Variants in LHFPL3 observed in about 807,000 individuals in gnomAD.
LHFPL3 encodes the protein LHFPL tetraspan subfamily member 3 protein.
In LHFPL3, 5 loss-of-function variants were observed where a neutral mutation model predicts 19.3. The observed-to-expected ratio is 0.26, with a 90% CI of 0.14 to 0.54. LHFPL3 has a LOEUF of 0.54. Ranked by LOEUF, LHFPL3 falls within the 20% of genes least tolerant of loss-of-function variation. The pLI, the probability that LHFPL3 is intolerant of heterozygous loss-of-function variation, is 0.94. For missense variants in LHFPL3, 249 were observed against 307.4 expected (o/e 0.81, Z 1.42); for synonymous variants, 133 against 126.2 (o/e 1.05, Z -0.36).
chr7:104,445,484 A>G (rs1229439787), intron 1 of LHFPL3, among the ~76,000 whole-genome samples: 1 of 152,220 alleles, frequency 6.6e-6, no homozygotes, highest in East Asian at 1.9e-4. Flanking sequence ...CAATCCAGTT[A>G]ACACAGGGCC....
At position 104,589,283 on chromosome 7, in the gene LHFPL3, T is replaced by C. The variant is rs563656669; in HGVS notation, c.446-147392T>C. On this transcript the variant is annotated intron_variant, in intron 1 of 2. Transcript: ENST00000424859. ...TAGCTCTTATTATTTTGAGATATGT[T>C]CCATCAATACCTAGTTTATTGAGAG... is the stretch of plus-strand genomic sequence containing the variant. Among the ~76,000 whole-genome samples, 157 of 152,276 alleles carry C rather than the reference T, an allele frequency of 1.0e-3. 2 individuals carry two copies. The South Asian group carries it at 0.019, about 19-fold the overall frequency.
At chr7:104,672,849 T>C (rs1041648852) in intron 1 of LHFPL3, among the ~76,000 whole-genome samples, 7 of 152,152 alleles carry the variant, frequency 4.6e-5, no homozygotes, top group Non-Finnish European at 7.4e-5. Flanking sequence ...AATGGCTTCA[T>C]GTTGCTGCCA....
chr7:104,648,113 G>T (rs1370659747), intron 1 of LHFPL3, among the ~76,000 whole-genome samples: 1 of 152,126 alleles, frequency 6.6e-6, no homozygotes, highest in African/African-American at 2.4e-5. Flanking sequence ...TGACTAGGCC[G>T]GGCCATTTCC....
intron 1 of LHFPL3, among the ~76,000 whole-genome samples, chr7:104,694,303 A>C (rs1013363988): frequency 6.6e-6 from 1 of 152,220 alleles, no homozygotes; most frequent in Non-Finnish European, 1.5e-5. Context: ...CTAGGGGGAC[A>C]ATTAGGAAAA....
At chr7:104,466,431 A>G (rs1276509774) in intron 1 of LHFPL3, among the ~76,000 whole-genome samples, 1 of 152,240 alleles carries the variant, frequency 6.6e-6, no homozygotes, top group Non-Finnish European at 1.5e-5. Context: ...GAGACAAGAG[A>G]AATATGTCAA....
chr7:104,738,050 C>T (rs1793862554), intron 2 of LHFPL3, among the ~76,000 whole-genome samples: 1 of 152,038 alleles, frequency 6.6e-6, no homozygotes, highest in African/African-American at 2.4e-5. Flanking sequence ...ATGGAGCAGC[C>T]CAGCAGAGCA....
chr7:104,613,813 T>C (rs140612121), intron 1 of LHFPL3, among the ~76,000 whole-genome samples: 31 of 152,264 alleles, frequency 2.0e-4, no homozygotes, highest in South Asian at 4.2e-4. Context: ...ACAAAGAGAT[T>C]GAACTTGACT....
intron 1 of LHFPL3, among the ~76,000 whole-genome samples, chr7:104,607,587 G>A (rs1791126571): frequency 1.3e-5 from 2 of 152,128 alleles, no homozygotes; most frequent in South Asian, 4.1e-4. Flanking sequence ...GGTGCCATGG[G>A]CAAGGACTTC....
rs1235092760 is a variant in LHFPL3, at chr7:104,672,060, T to TGC, written c.446-64614_446-64613insCG. Among the ~76,000 whole-genome samples, 438 of 85,328 alleles carry TGC rather than the reference T, an allele frequency of 5.1e-3. 3 individuals carry two copies. Among genetic ancestry groups the TGC allele is most frequent in the African/African-American group, 0.015 (409 of 27,458 alleles). The allele number at this position is 85,328 out of a possible 152,430, so 56.0% of individuals were successfully genotyped here. On this transcript the variant is annotated intron_variant, in intron 1 of 2. Transcript: ENST00000424859. Reference sequence around the variant, plus strand: ...CTTCTTCAAAACTTTAACTTCCAAGTGTGTGTGTGTGTGTGTGTGTGTGTG... The same window carrying TGC: ...CTTCTTCAAAACTTTAACTTCCAAGTGCGTGTGTGTGTGTGTGTGTGTGTGTG...
chr7:104,506,458 G>A (rs150957234), intron 1 of LHFPL3, among the ~76,000 whole-genome samples: 4,605 of 152,208 alleles, frequency 0.03, 98 homozygotes, highest in Non-Finnish European at 0.049. Context: ...CCCAGGATAT[G>A]TTCACTTATT....
intron 2 of LHFPL3, among the ~76,000 whole-genome samples, chr7:104,892,452 C>A (rs1404683431): frequency 9.2e-5 from 14 of 152,112 alleles, no homozygotes. Context: ...GTGGCTCACA[C>A]CTGTAATCCT....
intron 2 of LHFPL3, among the ~76,000 whole-genome samples, chr7:104,880,017 T>C (rs1792016424): frequency 6.6e-6 from 1 of 151,830 alleles, no homozygotes; most frequent in Non-Finnish European, 1.5e-5. Context: ...CATAGCAACA[T>C]AGTGAGAACT....
chr7:104,663,268 A>G (rs910271669), intron 1 of LHFPL3, among the ~76,000 whole-genome samples: 2 of 152,242 alleles, frequency 1.3e-5, no homozygotes, highest in Non-Finnish European at 1.5e-5. Flanking sequence ...TCATACCCTG[A>G]AAAAGAAAAC....
At chr7:104,665,391 G>A (rs918205092) in intron 1 of LHFPL3, among the ~76,000 whole-genome samples, 3 of 152,160 alleles carry the variant, frequency 2.0e-5, no homozygotes, top group African/African-American at 7.2e-5. Flanking sequence ...ATGGTTTAGA[G>A]ATTTAAAAGC....
At chr7:104,590,622 A>C (rs144250021) in intron 1 of LHFPL3, among the ~76,000 whole-genome samples, 6 of 151,990 alleles carry the variant, frequency 3.9e-5, no homozygotes, top group Non-Finnish European at 8.8e-5. Flanking sequence ...GTAATTGTCT[A>C]TTAGGTCCGC....
intron 1 of LHFPL3, among the ~76,000 whole-genome samples, chr7:104,462,541 A>G (rs2115577332): frequency 6.6e-6 from 1 of 152,288 alleles, no homozygotes; most frequent in South Asian, 2.1e-4. Flanking sequence ...AGTCACATTT[A>G]TTGATTTGCG....
intron 1 of LHFPL3, among the ~76,000 whole-genome samples, chr7:104,730,134 T>C (rs560929036): frequency 1.3e-5 from 2 of 152,252 alleles, no homozygotes; most frequent in African/African-American, 4.8e-5. Context: ...TTTCTTAATC[T>C]AGTCTATCAT....
At chr7:104,572,256 A>G (rs887726126) in intron 1 of LHFPL3, among the ~76,000 whole-genome samples, 1 of 151,514 alleles carries the variant, frequency 6.6e-6, no homozygotes, top group Non-Finnish European at 1.5e-5. Flanking sequence ...AACCTAATAT[A>G]TTTTGTTATA....
chr7:104,552,227 C>T (rs922293371), intron 1 of LHFPL3, among the ~76,000 whole-genome samples: 6 of 152,164 alleles, frequency 3.9e-5, no homozygotes, highest in African/African-American at 1.2e-4. Context: ...AGGCATGAGC[C>T]ACATAACCAA....
Sources: gnomAD v4.1 joint callset for allele counts (sites outside exome capture counted in the v4.1 genomes callset) on GRCh38, gnomAD v4.1.1 for gene constraint, MANE v1.5 for transcripts, NCBI Gene and HGNC (gene_info 2026-07-23, HGNC 2026-07-21) for gene names.